DLC1: variants seen among roughly 807,000 people sequenced by gnomAD.
DLC1 encodes the protein DLC1 Rho GTPase activating protein.
A neutral mutation model predicts 140.3 loss-of-function variants in DLC1; 54 were observed. The observed-to-expected ratio is 0.38, with a 90% CI of 0.31 to 0.48. The LOEUF (loss-of-function observed/expected upper bound fraction) is 0.48. Ranked by LOEUF, DLC1 falls within the 20% of genes least tolerant of loss-of-function variation. DLC1 has a pLI of 0.96. For missense variants in DLC1, 2,536 were observed against 1,907.0 expected, an observed-to-expected ratio of 1.33 and a Z score of -6.14; for synonymous variants, 986 against 728.1, an observed-to-expected ratio of 1.35 and a Z score of -5.70.
Position 13,092,663 on chromosome 8 carries a change from G to A in DLC1, c.3689C>T (p.Ala1230Val), listed in dbSNP as rs759769870. ...GGTGTTGAGATGGAAGAGGGAAGGCGCTAAGCACACGGCCAGGTTGGTTGG... is the reference window on the plus strand; with the variant it reads ...GGTGTTGAGATGGAAGAGGGAAGGCACTAAGCACACGGCCAGGTTGGTTGG... ...MTPTNLAVCL[A>V]PSLFHLNTLK... Residue 1230 changes from alanine to valine, a missense_variant, in exon 13 of 18, where the codon GCG (alanine) becomes GTG (valine). Coordinates refer to ENST00000276297, the MANE Select transcript of DLC1 (RefSeq NM_182643.3). 62 of 1,614,060 alleles carry A rather than the reference G, an allele frequency of 3.8e-5. No homozygotes were observed. The highest frequency in any genetic ancestry group is 1.6e-4 in the Middle Eastern group (1 of 6,084).
At chr8:13,413,822 G>T (rs1029425582) in intron 2 of DLC1, among the ~76,000 whole-genome samples, 8 of 152,110 alleles carry the variant, frequency 5.3e-5, no homozygotes, top group Non-Finnish European at 1.2e-4. Flanking sequence ...GCGGAACTCT[G>T]AGTCAGTTAA....
chr8:13,091,821 C>T (rs1454946501), intron 13 of DLC1, among the ~76,000 whole-genome samples: 1 of 152,002 alleles, frequency 6.6e-6, no homozygotes, highest in Non-Finnish European at 1.5e-5. Context: ...ATACACAGGC[C>T]CCCTCCCACA....
intron 5 of DLC1, among the ~76,000 whole-genome samples, chr8:13,220,679 A>G (rs1051761852): frequency 3.9e-5 from 6 of 152,152 alleles, no homozygotes; most frequent in Admixed American, 1.3e-4. Context: ...ACTGTGGAGG[A>G]AAGAAGTGGG....
chr8:13,563,641 A>G (rs967262242), intron 1 of DLC1, among the ~76,000 whole-genome samples: 4 of 152,100 alleles, frequency 2.6e-5, no homozygotes, highest in African/African-American at 9.7e-5. Flanking sequence ...AATTTAATCT[A>G]TAGAGGAGAA....
At chr8:13,128,363 C>T (rs1821764221) in intron 5 of DLC1, among the ~76,000 whole-genome samples, 1 of 152,188 alleles carries the variant, frequency 6.6e-6, no homozygotes, top group South Asian at 2.1e-4. Flanking sequence ...CCCCAAGTCT[C>T]CTCTCACTAG....
At chr8:13,176,907 G>C (rs1431203) in intron 5 of DLC1, among the ~76,000 whole-genome samples, 87,640 of 151,928 alleles carry the variant, frequency 0.58, 25,785 homozygotes, top group East Asian at 0.86. Flanking sequence ...CTGTTGCTGG[G>C]TTTGAAGATG....
At chr8:13,540,327 A>G (rs753910002) in intron 1 of DLC1, among the ~76,000 whole-genome samples, 4 of 152,244 alleles carry the variant, frequency 2.6e-5, no homozygotes, top group Non-Finnish European at 4.4e-5. Context: ...ATGTTTAAAA[A>G]TGGGCTTAAA....
intron 2 of DLC1, among the ~76,000 whole-genome samples, chr8:13,443,606 C>A (rs1196453427): frequency 7.4e-6 from 1 of 135,562 alleles, no homozygotes; most frequent in Non-Finnish European, 1.5e-5. Context: ...TGCAGTGAGC[C>A]AAGATCGCGC....
At chr8:13,232,166 G>T (rs550872314) in intron 5 of DLC1, among the ~76,000 whole-genome samples, 1 of 152,238 alleles carries the variant, frequency 6.6e-6, no homozygotes, top group Non-Finnish European at 1.5e-5. Context: ...GTCACGAAGG[G>T]AATGATCAGG....
intron 1 of DLC1, among the ~76,000 whole-genome samples, chr8:13,601,517 C>G (rs1344868316): frequency 6.6e-6 from 1 of 151,652 alleles, no homozygotes; most frequent in Non-Finnish European, 1.5e-5. Flanking sequence ...AACATCATTG[C>G]TATCATAACA....
rs1458646723 is a variant in DLC1, at chr8:13,197,861, A to G, written c.1349-82204T>C. 3.3e-5 allele frequency among the ~76,000 whole-genome samples: 5 copies of G among 152,316 alleles called. No homozygotes were observed. The East Asian group carries it at 7.7e-4, about 24-fold the overall frequency. On this transcript the variant is annotated intron_variant, in intron 5 of 17. Coordinates refer to ENST00000276297, the MANE Select transcript of DLC1 (RefSeq NM_182643.3). ...CAAAATACACCCTATTGGAGAGGTA[A>G]TGACAAGGACATATTAGTTTAAACT... is the stretch of plus-strand genomic sequence containing the variant.
chr8:13,160,639 C>T (rs73208935), intron 5 of DLC1, among the ~76,000 whole-genome samples: 24,610 of 152,224 alleles, frequency 0.16, 2,113 homozygotes, highest in African/African-American at 0.18. Context: ...AATGATTTGG[C>T]TTCTAAACCG....
At chr8:13,092,895 A>G in intron 12 of DLC1, 70 bp from the exon 13 acceptor site, 1 of 1,515,442 alleles carries the variant, frequency 6.6e-7, no homozygotes, top group Non-Finnish European at 8.9e-7. Context: ...AATGTCCCAG[A>G]GCAAATATCG....
At chr8:13,585,916 T>C (rs1167910624) in intron 1 of DLC1, among the ~76,000 whole-genome samples, 2 of 152,346 alleles carry the variant, frequency 1.3e-5, no homozygotes, top group Middle Eastern at 3.4e-3. Context: ...TTTGGAGGGA[T>C]ATAATTCAAA....
intron 4 of DLC1, among the ~76,000 whole-genome samples, chr8:13,347,826 T>C (rs575316299): frequency 6.6e-6 from 1 of 152,222 alleles, no homozygotes; most frequent in Non-Finnish European, 1.5e-5. Flanking sequence ...GGAAAGGGCA[T>C]TAAAACATGC....
intron 5 of DLC1, among the ~76,000 whole-genome samples, chr8:13,223,736 T>C (rs985422666): frequency 6.6e-6 from 1 of 152,188 alleles, no homozygotes; most frequent in Non-Finnish European, 1.5e-5. Context: ...TAGGAATACA[T>C]ATATATGAAA....
chr8:13,591,407 G>A (rs912863779), intron 1 of DLC1, among the ~76,000 whole-genome samples: 20 of 152,056 alleles, frequency 1.3e-4, no homozygotes, highest in South Asian at 2.1e-4. Context: ...GGTTTTACAA[G>A]CATCTGGCAT....
intron 5 of DLC1, among the ~76,000 whole-genome samples, chr8:13,178,624 A>G (rs1825877430): frequency 6.8e-6 from 1 of 147,702 alleles, no homozygotes; most frequent in Admixed American, 6.8e-5. Context: ...TATACATCCA[A>G]AGACACCATT....
chr8:13,198,084 C>CA (rs140102261), intron 5 of DLC1, among the ~76,000 whole-genome samples: 6,392 of 145,030 alleles, frequency 0.044, 211 homozygotes, highest in Non-Finnish European at 0.067. Context: ...AACCCTGTCT[C>CA]AAAAAAAACA....
Sources: gnomAD v4.1 joint callset for allele counts (sites outside exome capture counted in the v4.1 genomes callset) on GRCh38, gnomAD v4.1.1 for gene constraint, MANE v1.5 for transcripts, NCBI Gene and HGNC (gene_info 2026-07-23, HGNC 2026-07-21) for gene names.